Variants in CCSER1 observed in about 807,000 individuals in gnomAD.
CCSER1 encodes the protein coiled-coil serine rich protein 1, also known as serine-rich coiled-coil domain-containing protein 1.
Under a neutral mutation model 82.0 loss-of-function variants are expected in CCSER1, and 41 were observed. The ratio of observed to expected loss-of-function variants is 0.50; its 90% confidence interval spans 0.39 to 0.65. CCSER1 has a LOEUF of 0.65. Among genes scored for constraint, CCSER1 ranks in the 30% least tolerant of loss-of-function variants. The pLI is 0.00. For missense variants in CCSER1, 1,119 were observed against 1,064.2 expected (o/e 1.05, Z -0.72); for synonymous variants, 414 against 383.9 (o/e 1.08, Z -0.92).
At chr4:91,236,499 GA>G (rs202041173) in intron 10 of CCSER1, among the ~76,000 whole-genome samples, 8 of 150,726 alleles carry the variant, frequency 5.3e-5, no homozygotes, top group East Asian at 1.9e-4. Flanking sequence ...AAAACAAAAA[GA>G]AAAAAAAATT....
chr4:90,175,850 T>C (rs1221834024), intron 1 of CCSER1, among the ~76,000 whole-genome samples: 2 of 151,448 alleles, frequency 1.3e-5, no homozygotes, highest in Non-Finnish European at 2.9e-5. Flanking sequence ...CTCAAAAGAG[T>C]GTGAGAGAGA....
intron 10 of CCSER1, among the ~76,000 whole-genome samples, chr4:91,143,076 G>C (rs1273069471): frequency 6.6e-6 from 1 of 152,052 alleles, no homozygotes; most frequent in African/African-American, 2.4e-5. Context: ...GGGCAGTAGG[G>C]CCATTTTAAG....
chr4:91,412,232 C>T (rs768219168), intron 10 of CCSER1, among the ~76,000 whole-genome samples: 2 of 152,018 alleles, frequency 1.3e-5, no homozygotes, highest in African/African-American at 2.4e-5. Context: ...TGGCTTTTGC[C>T]ATGCCACCAG....
In CCSER1 at chr4:91,089,301, G is replaced by A. The variant is rs539798575; in HGVS notation, c.2217+3307G>A. Among the ~76,000 whole-genome samples, 163 of 152,290 alleles carry A rather than the reference G, an allele frequency of 1.1e-3. No homozygotes were observed. The South Asian group carries it at 0.033, about 31-fold the overall frequency. Reference sequence around the variant, plus strand: ...ATGTCTGGAATCTGTGGATAATATCGGTTGCTAGGTCATGGGTTGAATTTT... The same window carrying A: ...ATGTCTGGAATCTGTGGATAATATCAGTTGCTAGGTCATGGGTTGAATTTT... On this transcript the variant is annotated intron_variant, in intron 10 of 10. Transcript: ENST00000509176.
chr4:90,616,689 A>G (rs1420169319), intron 5 of CCSER1, among the ~76,000 whole-genome samples: 1 of 55,450 alleles, frequency 1.8e-5, no homozygotes, highest in Admixed American at 2.2e-4. Context: ...TGTCTCACAC[A>G]CACACACACA....
At chr4:91,556,929 A>C (rs1762433948) in intron 10 of CCSER1, among the ~76,000 whole-genome samples, 1 of 151,084 alleles carries the variant, frequency 6.6e-6, no homozygotes, top group Non-Finnish European at 1.5e-5. Context: ...TTTTTTAGAG[A>C]GGCCATTTTT....
At chr4:90,698,009 T>C (rs1408329345) in intron 6 of CCSER1, among the ~76,000 whole-genome samples, 4 of 152,140 alleles carry the variant, frequency 2.6e-5, no homozygotes, top group Non-Finnish European at 5.9e-5. Context: ...TCATGGAGGA[T>C]TGGGCATTTG....
intron 8 of CCSER1, among the ~76,000 whole-genome samples, chr4:90,861,614 G>A (rs949207543): frequency 2.6e-5 from 4 of 151,400 alleles, no homozygotes; most frequent in Non-Finnish European, 5.9e-5. Context: ...AAGTAAAAAA[G>A]GTACAAAAAG....
intron 9 of CCSER1, among the ~76,000 whole-genome samples, chr4:90,960,902 T>TA (rs1174115360): frequency 9.2e-5 from 14 of 152,200 alleles, no homozygotes; most frequent in Admixed American, 7.9e-4. Flanking sequence ...GTACTATTTT[T>TA]ATCCCCATTT....
intron 10 of CCSER1, among the ~76,000 whole-genome samples, chr4:91,470,206 T>G (rs995126242): frequency 6.6e-6 from 1 of 152,208 alleles, no homozygotes; most frequent in African/African-American, 2.4e-5. Flanking sequence ...TGAAGTGAAG[T>G]TATAGACACT....
chr4:91,352,694 G>A (rs1261353570), intron 10 of CCSER1, among the ~76,000 whole-genome samples: 1 of 152,176 alleles, frequency 6.6e-6, no homozygotes, highest in Non-Finnish European at 1.5e-5. Context: ...CGTTAAAAGT[G>A]ACATATGTAA....
At chr4:91,082,441 T>C (rs936493018) in intron 9 of CCSER1, among the ~76,000 whole-genome samples, 5 of 152,174 alleles carry the variant, frequency 3.3e-5, no homozygotes, top group Non-Finnish European at 7.3e-5. Context: ...ATGTCAGACC[T>C]AAAACCATTA....
chr4:90,687,382 G>A (rs150408101), intron 6 of CCSER1, among the ~76,000 whole-genome samples: 336 of 151,926 alleles, frequency 2.2e-3, no homozygotes, highest in African/African-American at 7.6e-3. Flanking sequence ...TGCTTGCTGA[G>A]GTTTGGTTGC....
At chr4:90,403,414 G>A (rs2153547073) in intron 4 of CCSER1, among the ~76,000 whole-genome samples, 1 of 149,374 alleles carries the variant, frequency 6.7e-6, no homozygotes, top group East Asian at 2.0e-4. Context: ...CAGGAGAATG[G>A]CGTGAACCCG....
intron 10 of CCSER1, among the ~76,000 whole-genome samples, chr4:91,202,651 T>C (rs1735997319): frequency 8.6e-6 from 1 of 116,808 alleles, no homozygotes. Context: ...TTGAATTTGA[T>C]GTTGACCTTC....
At chr4:90,824,641 T>A (rs1297670858) in intron 8 of CCSER1, among the ~76,000 whole-genome samples, 1 of 152,136 alleles carries the variant, frequency 6.6e-6, no homozygotes. Context: ...AATCATATCA[T>A]GAATTTATCT....
intron 10 of CCSER1, among the ~76,000 whole-genome samples, chr4:91,264,028 G>A (rs1035808550): frequency 2.0e-5 from 3 of 151,844 alleles, no homozygotes; most frequent in Non-Finnish European, 4.4e-5. Flanking sequence ...ACAAAAGAAG[G>A]AAACAGAGAA....
At chr4:90,275,985 A>C (rs936747413) in intron 1 of CCSER1, among the ~76,000 whole-genome samples, 1 of 152,166 alleles carries the variant, frequency 6.6e-6, no homozygotes, top group Non-Finnish European at 1.5e-5. Context: ...AGAGAGCATT[A>C]AAAGTTTGGG....
At chr4:90,868,696 C>T (rs547824709) in intron 8 of CCSER1, among the ~76,000 whole-genome samples, 1 of 152,096 alleles carries the variant, frequency 6.6e-6, no homozygotes, top group South Asian at 2.1e-4. Context: ...ATACTGATTT[C>T]CTTTCTTTTG....
Sources: allele counts gnomAD v4.1 joint callset (sites outside exome capture counted in the v4.1 genomes callset), GRCh38; gene constraint gnomAD v4.1.1; transcripts MANE v1.5; gene names NCBI Gene and HGNC (gene_info 2026-07-23, HGNC 2026-07-21).